Variants in CNGA4 observed in about 807,000 individuals in gnomAD.
CNGA4 encodes the protein cyclic nucleotide gated channel subunit alpha 4, also known as cyclic nucleotide-gated channel alpha-4.
CNGA4 carries 32 observed loss-of-function variants against 45.6 expected under a neutral mutation model. The ratio of observed to expected loss-of-function variants is 0.70; its 90% CI spans 0.53 to 0.94. The LOEUF is 0.94. Ranked by LOEUF, CNGA4 falls within the 40% of genes least tolerant of loss-of-function variation. CNGA4 has a pLI of 0.00. For missense variants in CNGA4, 726 were observed against 755.1 expected (o/e 0.96, Z 0.45); for synonymous variants, 293 against 304.6 (o/e 0.96, Z 0.40).
In CNGA4 at chr11:6,240,472, G is replaced by A; in HGVS notation, c.678G>A (p.Thr226=). Residue 226 remains threonine, a synonymous_variant, in exon 4 of 6, where the codon ACG becomes ACA. Coordinates refer to ENST00000379936, the MANE Select transcript of CNGA4 (RefSeq NM_001037329.4). The surrounding 1 kb of genome is among the most constrained non-coding windows in gnomAD (Gnocchi z 4.9). ...RQYLYSFYFS[T]LILTTVGDTP... is the part of the protein sequence containing the mutation. ...ACCTCTATAGCTTTTACTTCTCCAC[G>A]CTGATACTGACTACAGTGGGCGATA... 1.2e-6 allele frequency: 2 copies of A among 1,614,210 alleles called. No homozygotes were observed. Among genetic ancestry groups the A allele is most frequent in the Non-Finnish European group, 1.7e-6 (2 of 1,180,034 alleles).
chr11:6,240,675 A>C lies in CNGA4; in HGVS notation c.881A>C (p.His294Pro), dbSNP rs1412979104. The C allele has an allele frequency of 1.1e-5, 18 of 1,613,720 alleles. No individual in the cohort carries two copies. In the Admixed American group the frequency reaches 3.0e-4, roughly 27 times the overall value. ...ALVKKYMKLQ[H>P]VNRKLERRVI... Reference sequence around the variant, plus strand: ...GTGAAGAAGTACATGAAGCTGCAGCACGTCAACCGCAAGCTGGAGCGGCGA... The same window carrying C: ...GTGAAGAAGTACATGAAGCTGCAGCCCGTCAACCGCAAGCTGGAGCGGCGA... The change falls in exon 4 of 6, where the codon CAC becomes CCC. Residue 294 changes from histidine to proline, a missense_variant. Transcript: ENST00000379936. The surrounding 1 kb of genome is among the most constrained non-coding windows in gnomAD (Gnocchi z 4.9).
chr11:6,237,689 T>G (rs1347743984), upstream of CNGA4, among the ~76,000 whole-genome samples: 3 of 152,238 alleles, frequency 2.0e-5, no homozygotes, highest in Admixed American at 2.0e-4. Context: ...GAATGTTGTC[T>G]TTTTATTTTA....
upstream of CNGA4, among the ~76,000 whole-genome samples, chr11:6,236,395 C>T (rs376298965): frequency 4.6e-5 from 7 of 152,122 alleles, no homozygotes; most frequent in East Asian, 9.6e-4. Context: ...TTGCAAAAGA[C>T]CAAACAAGCT....
In CNGA4 at chr11:6,244,354, C is replaced by A. The variant is rs142106740; in HGVS notation, c.1673C>A (p.Thr558Asn). 1.6e-5 allele frequency: 26 copies of A among 1,613,938 alleles called. No homozygotes were observed. The African/African-American group carries it at 3.3e-4, about 21-fold the overall frequency. The stretch of plus-strand genomic sequence containing the variant: ...GACGAGGGTGAGCCTGAGGAGGGAA[C>A]TTCCAAAGATGAAGAGGGCAGGGCC... ...ADDEGEPEEG[T>N]SKDEEGRASQ... The change falls in exon 6 of 6, where the codon ACT becomes AAT. Residue 558 changes from threonine to asparagine, a missense_variant. Physicochemically the swap from Thr to Asn is moderately conservative, Grantham distance 65. Coordinates refer to ENST00000379936, the MANE Select transcript of CNGA4 (RefSeq NM_001037329.4). The surrounding 1 kb of genome is among the most constrained non-coding windows in gnomAD (Gnocchi z 4.5).
chr11:6,235,839 T>A (rs1847827087), upstream of CNGA4, among the ~76,000 whole-genome samples: 2 of 150,538 alleles, frequency 1.3e-5, no homozygotes, highest in South Asian at 4.2e-4. Context: ...CTTGGGAGGC[T>A]GGGGCAGGAG....
chr11:6,239,984 T>TG, intron 3 of CNGA4, 82 bp from the exon 4 acceptor site: 1 of 1,516,268 alleles, frequency 6.6e-7, no homozygotes, highest in South Asian at 1.3e-5. Flanking sequence ...TCAGACAGTC[T>TG]CCCTGGCCTG....
upstream of CNGA4, among the ~76,000 whole-genome samples, chr11:6,237,683 G>C (rs921675600): frequency 3.3e-5 from 5 of 152,138 alleles, no homozygotes; most frequent in African/African-American, 1.2e-4. Flanking sequence ...TACTTTGAAT[G>C]TTGTCTTTTT....
At chr11:6,242,486 G>GT (rs925412888) in intron 5 of CNGA4, among the ~76,000 whole-genome samples, 8 of 152,192 alleles carry the variant, frequency 5.3e-5, no homozygotes, top group African/African-American at 1.9e-4. Context: ...TGCAAATGGG[G>GT]TAAGCACACT....
At position 6,240,810 on chromosome 11, in the gene CNGA4, C is replaced by G. The variant is rs929035060; in HGVS notation, c.917+99C>G. 2.2e-5 allele frequency: 31 copies of G among 1,422,078 alleles called. No individual in the cohort carries two copies. Among genetic ancestry groups the G allele is most frequent in the Admixed American group, 1.1e-4 (5 of 46,790 alleles). 88.1% of individuals were successfully genotyped at this position (1,422,078 alleles called of 1,614,324 possible). A position where few individuals can be genotyped will look rare whatever the true frequency, so the allele number is the denominator to read the frequency against. Reference sequence around the variant, plus strand: ...TTAGTGCCTGGTGAGCCAGGCAAGGCTGTCAAAATGTAGCATTCAGCCGTG... The same window carrying G: ...TTAGTGCCTGGTGAGCCAGGCAAGGGTGTCAAAATGTAGCATTCAGCCGTG... On this transcript the variant is annotated intron_variant, in intron 4 of 5. Coordinates refer to ENST00000379936, the MANE Select transcript of CNGA4 (RefSeq NM_001037329.4). The surrounding 1 kb of genome is among the most constrained non-coding windows in gnomAD (Gnocchi z 4.9).
chr11:6,242,241 T>A (rs1285832273), intron 5 of CNGA4, among the ~76,000 whole-genome samples: 1 of 151,996 alleles, frequency 6.6e-6, no homozygotes, highest in African/African-American at 2.4e-5. Flanking sequence ...GTTGGGTAAT[T>A]TGCCCAACGT....
chr11:6,240,512 A>C lies in CNGA4; in HGVS notation c.718A>C (p.Arg240=). The change falls in exon 4 of 6, where the codon AGG becomes CGG. Residue 240 remains arginine (R), a synonymous_variant. Transcript: ENST00000379936. The surrounding 1 kb of genome is among the most constrained non-coding windows in gnomAD (Gnocchi z 4.9). ...AGTGGGCGATACACCGCCGCCAGCC[A>C]GGGAAGAAGAGTACCTCTTCATGGT... is the stretch of plus-strand genomic sequence containing the variant. ...TTVGDTPPPA[R]EEEYLFMVGD... 6.2e-7 allele frequency: 1 copy of C among 1,614,214 alleles called. No individual in the cohort carries two copies. Among genetic ancestry groups the C allele is most frequent in the East Asian group, 2.2e-5 (1 of 44,880 alleles).
At chr11:6,243,521 G>C (rs908090037) in intron 5 of CNGA4, among the ~76,000 whole-genome samples, 2 of 152,150 alleles carry the variant, frequency 1.3e-5, no homozygotes, top group African/African-American at 4.8e-5. Context: ...CTCCCACCAG[G>C]TCCCACCCCC....
downstream of CNGA4, among the ~76,000 whole-genome samples, chr11:6,244,953 A>G (rs556238373): frequency 1.3e-5 from 2 of 152,336 alleles, no homozygotes; most frequent in African/African-American, 4.8e-5. This position sits in a 1 kb window ranked among gnomAD's most constrained non-coding sequence, Gnocchi z 4.5. Flanking sequence ...TTGCACTTCA[A>G]TAAAGTATTT....
chr11:6,241,018 G>A (rs1847910770), intron 4 of CNGA4, among the ~76,000 whole-genome samples: 1 of 152,182 alleles, frequency 6.6e-6, no homozygotes, highest in Non-Finnish European at 1.5e-5. Context: ...GAAGGAGTGG[G>A]TGAAGAAGGG....
chr11:6,240,216 T>C lies in CNGA4; in HGVS notation c.422T>C (p.Leu141Pro). Residue 141 changes from leucine to proline, a missense_variant, in exon 4 of 6, where the codon CTG becomes CCG. Physicochemically the swap from Leu to Pro is moderately conservative, Grantham distance 98 (BLOSUM62 -3). Coordinates refer to ENST00000379936, the MANE Select transcript of CNGA4 (RefSeq NM_001037329.4). This position sits in a 1 kb window ranked among gnomAD's most constrained non-coding sequence, Gnocchi z 4.9. ...GGCCCGCACACACCCACCCTGAGGCTGAACCGCTTTCTCCGCGCGCCCCGC... is the reference window on the plus strand; with the variant it reads ...GGCCCGCACACACCCACCCTGAGGCCGAACCGCTTTCTCCGCGCGCCCCGC... Reference protein sequence around the residue: ...RLGPHTPTLRLNRFLRAPRLF... With the variant: ...RLGPHTPTLRPNRFLRAPRLF... The C allele has an allele frequency of 6.2e-7, 1 of 1,614,246 alleles. No homozygotes were observed.
At position 6,241,799 on chromosome 11, in the gene CNGA4, G is replaced by A. The variant is rs769241750; in HGVS notation, c.1267+19G>A. On this transcript the variant is annotated intron_variant, in intron 5 of 5. Transcript: ENST00000379936. ...ATCAAAGGTGGGTATCCCAGTATTT[G>A]TTCCAGGGACAAGGATGGGTGGGGT... 5.6e-6 allele frequency: 9 copies of A among 1,609,990 alleles called. No individual in the cohort carries two copies. The highest frequency in any genetic ancestry group is 6.8e-6 in the Non-Finnish European group (8 of 1,176,522).
rs771994676 is a variant in CNGA4, at chr11:6,244,291, G to A, written c.1610G>A (p.Arg537Gln). Reference protein sequence around the residue: ...YRIERLEWQTREWPMPEDLAE... With the variant: ...YRIERLEWQTQEWPMPEDLAE... ...ATTGAACGGCTGGAGTGGCAGACTCGAGAGTGGCCAATGCCCGAGGACCTG... is the reference window on the plus strand; with the variant it reads ...ATTGAACGGCTGGAGTGGCAGACTCAAGAGTGGCCAATGCCCGAGGACCTG... Residue 537 changes from arginine (R) to glutamine (Q), a missense_variant, in exon 6 of 6, where the codon CGA (arginine) becomes CAA (glutamine). By Grantham distance (43) the Arg-to-Gln change is conservative. Coordinates refer to ENST00000379936, the MANE Select transcript of CNGA4 (RefSeq NM_001037329.4). The surrounding 1 kb of genome is among the most constrained non-coding windows in gnomAD (Gnocchi z 4.5). 1.3e-5 allele frequency: 21 copies of A among 1,613,968 alleles called. No individual in the cohort carries two copies. Among genetic ancestry groups the A allele is most frequent in the Admixed American group, 3.3e-5 (2 of 60,010 alleles).
At position 6,240,336 on chromosome 11, in the gene CNGA4, A is replaced by G. The variant is rs1847897011; in HGVS notation, c.542A>G (p.His181Arg). The G allele has an allele frequency of 6.2e-7, 1 of 1,614,154 alleles. No individual in the cohort carries two copies. The change falls in exon 4 of 6, where the codon CAT becomes CGT. Residue 181 changes from histidine (H) to arginine (R), a missense_variant. Physicochemically the swap from His to Arg is conservative, Grantham distance 29. Coordinates refer to ENST00000379936, the MANE Select transcript of CNGA4 (RefSeq NM_001037329.4). This position sits in a 1 kb window ranked among gnomAD's most constrained non-coding sequence, Gnocchi z 4.9. ...ATGCTTTACATTTTTGTCGTCATCC[A>G]TTGGAACAGCTGCCTATACTTTGCC... ...KLMLYIFVVI[H>R]WNSCLYFALS...
rs1363658135 is a variant in CNGA4 at position 6,240,008 on chromosome 11, A to T, written c.272-58A>T. ...CTCCCTGGCCTGCCCTGGGCAGCTC[A>T]TGCTCAGCCCAAGCTTGACTACAGC... On this transcript the variant is annotated intron_variant, in intron 3 of 5. Transcript: ENST00000379936. This position sits in a 1 kb window ranked among gnomAD's most constrained non-coding sequence, Gnocchi z 4.9. The T allele has an allele frequency of 2.6e-5, 40 of 1,552,798 alleles. No individual in the cohort carries two copies. Among genetic ancestry groups the T allele is most frequent in the Non-Finnish European group, 3.0e-5 (35 of 1,148,282 alleles).
Sources: gnomAD v4.1 joint callset for allele counts (sites outside exome capture counted in the v4.1 genomes callset) on GRCh38, gnomAD v4.1.1 for gene constraint, Gnocchi (gnomAD v3.1) non-coding constraint, MANE v1.5 for transcripts, NCBI Gene and HGNC (gene_info 2026-07-23, HGNC 2026-07-21) for gene names.